Variants in BTRC observed in about 807,000 individuals in gnomAD.
BTRC encodes F-box/WD repeat-containing protein 1A.
A neutral mutation model predicts 85.5 loss-of-function variants in BTRC; 42 were observed. The ratio of observed to expected loss-of-function variants is 0.49; its 90% CI spans 0.38 to 0.64. The LOEUF is 0.64. BTRC is among the 30% of genes least tolerant of loss of function. The probability of loss-of-function intolerance (pLI) is 0.00; values close to 1 mark genes in which losing one functional copy is unlikely to be tolerated. For missense variants in BTRC, 594 were observed against 743.5 expected, an observed-to-expected ratio of 0.80 and a Z score of 2.34; for synonymous variants, 255 against 263.3, an observed-to-expected ratio of 0.97 and a Z score of 0.30.
chr10:101,372,192 C>T (rs574172772), intron 1 of BTRC, among the ~76,000 whole-genome samples: 3 of 151,856 alleles, frequency 2.0e-5, no homozygotes, highest in South Asian at 4.2e-4. Context: ...GTATATGCCC[C>T]TCAGCTTCCC....
chr10:101,416,790 C>T (rs1232225479), intron 1 of BTRC, among the ~76,000 whole-genome samples: 1 of 152,068 alleles, frequency 6.6e-6, no homozygotes, highest in Non-Finnish European at 1.5e-5. Context: ...GGATCTTTGC[C>T]CCTAAAGTTT....
chr10:101,397,127 G>A (rs1006801564), intron 1 of BTRC, among the ~76,000 whole-genome samples: 6 of 152,086 alleles, frequency 3.9e-5, no homozygotes, highest in Non-Finnish European at 7.4e-5. Flanking sequence ...TTAAAGTTGG[G>A]TGTTATGTTA....
chr10:101,557,259 GTTT>G lies in BTRC; in HGVS notation c.*4142_*4144del, dbSNP rs557983228. On this transcript the variant is annotated 3_prime_UTR_variant, in exon 15 of 15. Transcript: ENST00000370187. ...ATCATGATAATGGAGTGTGTTTTGG[GTTT>G]TTTTTAACTGTTCAGAAAAAAAGTA... The G allele has an allele frequency of 2.0e-5, 3 of 152,022 alleles. No individual in the cohort carries two copies. The highest frequency in any genetic ancestry group is 7.2e-5 in the African/African-American group (3 of 41,384). 9.4% of individuals were successfully genotyped at this position (152,022 alleles called of 1,614,324 possible).
chr10:101,361,341 T>C (rs1238279036), intron 1 of BTRC, among the ~76,000 whole-genome samples: 2 of 150,818 alleles, frequency 1.3e-5, no homozygotes, highest in Non-Finnish European at 3.0e-5. Context: ...CTCCTGACCT[T>C]GTGATCCAAC....
chr10:101,494,217 A>G (rs540272494), intron 4 of BTRC, among the ~76,000 whole-genome samples: 2 of 152,354 alleles, frequency 1.3e-5, no homozygotes, highest in African/African-American at 2.4e-5. Flanking sequence ...AAGGTGGTAA[A>G]TTGGCATCTT....
At chr10:101,551,375 A>G (rs530464929) in intron 14 of BTRC, among the ~76,000 whole-genome samples, 1 of 152,262 alleles carries the variant, frequency 6.6e-6, no homozygotes, top group Admixed American at 6.5e-5. Context: ...AAGGAATATA[A>G]AAAGTAGCTT....
intron 3 of BTRC, among the ~76,000 whole-genome samples, chr10:101,476,837 G>C (rs1473575443): frequency 6.6e-6 from 1 of 152,178 alleles, no homozygotes; most frequent in African/African-American, 2.4e-5. Flanking sequence ...AGTGTCTTAA[G>C]ATTTTTCTTC....
chr10:101,366,879 T>TATATATTA (rs1942421322), intron 1 of BTRC, among the ~76,000 whole-genome samples: 2 of 23,876 alleles, frequency 8.4e-5, no homozygotes, highest in Admixed American at 1.8e-3. Flanking sequence ...AATATATATT[T>TATATATTA]ATATATATTT....
rs2134422641 is a variant in BTRC at position 101,534,750 on chromosome 10, T to A, written c.1187T>A (p.Met396Lys). Residue 396 changes from methionine (M) to lysine (K), a missense_variant, in exon 10 of 15, where the codon ATG becomes AAG. By Grantham distance (95) the Met-to-Lys change is moderately conservative. This residue lies in a region of BTRC where 373 missense variants were observed against 503.6 expected (regional missense o/e 0.74). Transcript: ENST00000370187. ...VLHLRFNNGMMVTCSKDRSIA... is the reference protein window; with the variant it reads ...VLHLRFNNGMKVTCSKDRSIA... ...CACTTGCGTTTCAATAATGGCATGA[T>A]GGTGACCTGCTCCAAAGATCGTTCC... is the stretch of plus-strand genomic sequence containing the variant. 1 of 1,614,202 alleles carries A rather than the reference T, an allele frequency of 6.2e-7. No homozygotes were observed. Among genetic ancestry groups the A allele is most frequent in the South Asian group, 1.1e-5 (1 of 91,076 alleles).
intron 1 of BTRC, among the ~76,000 whole-genome samples, chr10:101,403,155 T>C (rs1943531214): frequency 6.6e-6 from 1 of 152,246 alleles, no homozygotes; most frequent in African/African-American, 2.4e-5. Flanking sequence ...AGGTGTCTTC[T>C]CTGGGGACGA....
In BTRC at chr10:101,462,066, A is replaced by AT; in HGVS notation, c.234+10dup. ...AAGAATTCACTTAGACAGGTATGAA[A>AT]TTCAGCCTTACTTAAAATAAAAAGC... On this transcript the variant is annotated intron_variant, in intron 3 of 14. Transcript: ENST00000370187. The AT allele has an allele frequency of 6.3e-7, 1 of 1,597,000 alleles. No individual in the cohort carries two copies. The highest frequency in any genetic ancestry group is 8.5e-7 in the Non-Finnish European group (1 of 1,169,662).
intron 3 of BTRC, among the ~76,000 whole-genome samples, chr10:101,472,275 C>CTCCTCT (rs1945546584): frequency 8.8e-6 from 1 of 114,244 alleles, no homozygotes; most frequent in African/African-American, 3.0e-5. Context: ...TTTTCTTTTC[C>CTCCTCT]TCTCTTCTCT....
At chr10:101,375,186 C>T (rs1021447175) in intron 1 of BTRC, among the ~76,000 whole-genome samples, 5 of 152,242 alleles carry the variant, frequency 3.3e-5, no homozygotes, top group African/African-American at 1.2e-4. Context: ...ATCATGGGGG[C>T]GGATTTCCGC....
At chr10:101,532,871 A>T in intron 8 of BTRC, 81 bp from the exon 9 acceptor site, 1 of 1,133,006 alleles carries the variant, frequency 8.8e-7, no homozygotes, top group South Asian at 1.3e-5. Context: ...ATTTTGGGGG[A>T]TCAGACACGT....
intron 1 of BTRC, among the ~76,000 whole-genome samples, chr10:101,415,141 C>T (rs895460635): frequency 6.6e-6 from 1 of 152,008 alleles, no homozygotes; most frequent in East Asian, 1.9e-4. Context: ...AACCTCCATT[C>T]ATGGTTAAGT....
intron 1 of BTRC, among the ~76,000 whole-genome samples, chr10:101,393,947 T>G (rs1008760921): frequency 6.6e-6 from 1 of 152,230 alleles, no homozygotes; most frequent in Non-Finnish European, 1.5e-5. Flanking sequence ...GCATAGCCAG[T>G]GTAATGCAGA....
intron 4 of BTRC, among the ~76,000 whole-genome samples, chr10:101,483,236 C>G (rs1399057601): frequency 6.6e-6 from 1 of 152,128 alleles, no homozygotes; most frequent in Non-Finnish European, 1.5e-5. Context: ...CAAATTACAA[C>G]CACCCTAAGT....
At chr10:101,534,531 C>A in intron 9 of BTRC, 130 bp from the exon 10 acceptor site, 1 of 1,204,312 alleles carries the variant, frequency 8.3e-7, no homozygotes, top group Non-Finnish European at 1.2e-6. Context: ...AGCATCCCAT[C>A]CCCTTCCTTC....
intron 13 of BTRC, among the ~76,000 whole-genome samples, chr10:101,540,692 T>TCC (rs2134443851): frequency 6.6e-6 from 1 of 152,358 alleles, no homozygotes; most frequent in South Asian, 2.1e-4. Flanking sequence ...GTATGGGGTC[T>TCC]CAGTGTGTTG....
Sources: allele counts gnomAD v4.1 joint callset (sites outside exome capture counted in the v4.1 genomes callset), GRCh38; gene constraint gnomAD v4.1.1; regional missense constraint gnomAD v4.1.1; transcripts MANE v1.5; gene names NCBI Gene and HGNC (gene_info 2026-07-23, HGNC 2026-07-21).